PTPRM: variants seen among roughly 807,000 people sequenced by gnomAD.
PTPRM encodes protein tyrosine phosphatase receptor type M.
PTPRM carries 47 observed loss-of-function variants against 186.7 expected under a neutral mutation model. The observed-to-expected ratio is 0.25, with a 90% confidence interval of 0.20 to 0.32. The LOEUF is 0.32. Ranked by LOEUF, PTPRM falls within the 10% of genes least tolerant of loss-of-function variation. The pLI is 1.00. For synonymous variants in PTPRM, 668 were observed against 674.9 expected (o/e 0.99, Z 0.16); for missense variants, 1,494 against 1,865.0 (o/e 0.80, Z 3.66).
At chr18:8,274,141 A>G (rs149753715) in intron 19 of PTPRM, among the ~76,000 whole-genome samples, 8 of 152,216 alleles carry the variant, frequency 5.3e-5, no homozygotes, top group African/African-American at 1.9e-4. Flanking sequence ...TAAATCTTGT[A>G]TAGAGTTTTC....
intron 19 of PTPRM, among the ~76,000 whole-genome samples, chr18:8,288,783 C>G (rs2094987864): frequency 6.6e-6 from 1 of 152,142 alleles, no homozygotes. Context: ...CACAGTGCTT[C>G]TGAAGGTGGG....
intron 1 of PTPRM, among the ~76,000 whole-genome samples, chr18:7,625,066 A>G (rs138259373): frequency 9.7e-4 from 147 of 152,322 alleles, no homozygotes; most frequent in African/African-American, 3.4e-3. Context: ...GAAACTCTAC[A>G]AGAGCTTGAA....
At chr18:8,106,534 C>T (rs1391671551) in intron 11 of PTPRM, among the ~76,000 whole-genome samples, 1 of 152,138 alleles carries the variant, frequency 6.6e-6, no homozygotes, top group Non-Finnish European at 1.5e-5. Context: ...CTTATCAGAT[C>T]CTTGGCATGG....
intron 14 of PTPRM, among the ~76,000 whole-genome samples, chr18:8,164,712 A>T (rs2093291739): frequency 6.6e-6 from 1 of 152,206 alleles, no homozygotes; most frequent in Non-Finnish European, 1.5e-5. Flanking sequence ...GCAATGAGGA[A>T]TTGATGTTTA....
In PTPRM at chr18:7,922,654, G is replaced by A. The variant is rs148789324; in HGVS notation, c.548-3914G>A. ...TCTCATCCTCATATTTGAGTTCTTG[G>A]GTATTGCTGGTGATAATCTCTGTGC... On this transcript the variant is annotated intron_variant, in intron 4 of 32. Coordinates refer to ENST00000580170, the MANE Select transcript of PTPRM (RefSeq NM_001105244.2). 3.3e-3 allele frequency among the ~76,000 whole-genome samples: 508 copies of A among 152,062 alleles called. 2 individuals carry two copies. Among genetic ancestry groups the A allele is most frequent in the African/African-American group, 0.012 (492 of 41,456 alleles).
intron 1 of PTPRM, among the ~76,000 whole-genome samples, chr18:7,617,455 T>C (rs1421475248): frequency 6.6e-6 from 1 of 152,186 alleles, no homozygotes; most frequent in Non-Finnish European, 1.5e-5. Flanking sequence ...TGTAAGCTCT[T>C]TAAAGGCATA....
At chr18:7,679,442 A>T (rs1401766274) in intron 1 of PTPRM, among the ~76,000 whole-genome samples, 1 of 152,160 alleles carries the variant, frequency 6.6e-6, no homozygotes, top group Non-Finnish European at 1.5e-5. Flanking sequence ...AGGCAAGTGG[A>T]TCACTTAAGG....
In PTPRM at chr18:8,099,297, C is replaced by G. The variant is rs561536304; in HGVS notation, c.1856+10446C>G. On this transcript the variant is annotated intron_variant, in intron 11 of 32. Transcript: ENST00000580170. Reference sequence around the variant, plus strand: ...CAGAGAGCTCAGCCCTAGATTCATTCACTGCACTGGCTGGTGACCGCTTGT... The same window carrying G: ...CAGAGAGCTCAGCCCTAGATTCATTGACTGCACTGGCTGGTGACCGCTTGT... Among the ~76,000 whole-genome samples, 144 of 152,278 alleles carry G rather than the reference C, an allele frequency of 9.5e-4. 2 individuals carry two copies. Among genetic ancestry groups the G allele is most frequent in the Middle Eastern group, 6.8e-3 (2 of 294 alleles).
At chr18:8,265,061 T>C (rs2094684802) in intron 19 of PTPRM, among the ~76,000 whole-genome samples, 1 of 152,178 alleles carries the variant, frequency 6.6e-6, no homozygotes, top group Non-Finnish European at 1.5e-5. Context: ...GACTTGTGAT[T>C]TCAAGGCAGG....
chr18:8,191,412 C>T (rs936879332), intron 14 of PTPRM, among the ~76,000 whole-genome samples: 12 of 152,156 alleles, frequency 7.9e-5, no homozygotes, highest in South Asian at 6.2e-4. Context: ...GACGGTGACA[C>T]GCAGGAGAAG....
chr18:8,282,788 A>G (rs751360130), intron 19 of PTPRM, among the ~76,000 whole-genome samples: 94 of 152,356 alleles, frequency 6.2e-4, no homozygotes, highest in Non-Finnish European at 1.2e-3. Context: ...ATAAATATCC[A>G]TAACAGCTTT....
intron 20 of PTPRM, among the ~76,000 whole-genome samples, chr18:8,309,200 G>C (rs950015321): frequency 2.0e-5 from 3 of 152,156 alleles, no homozygotes; most frequent in Non-Finnish European, 4.4e-5. Flanking sequence ...TGGGTCATAG[G>C]TCGTGGATGT....
At chr18:7,817,868 A>G (rs985076907) in intron 2 of PTPRM, among the ~76,000 whole-genome samples, 1 of 152,010 alleles carries the variant, frequency 6.6e-6, no homozygotes, top group African/African-American at 2.4e-5. Flanking sequence ...TTGGAGTAAG[A>G]CTCCCGGAAG....
At chr18:8,304,601 A>G (rs1780155871) in intron 20 of PTPRM, among the ~76,000 whole-genome samples, 1 of 152,186 alleles carries the variant, frequency 6.6e-6, no homozygotes, top group South Asian at 2.1e-4. Context: ...AGTTGTGATT[A>G]TGATATAAAC....
intron 13 of PTPRM, among the ~76,000 whole-genome samples, chr18:8,137,008 G>A (rs190940180): frequency 2.7e-4 from 41 of 152,340 alleles, no homozygotes; most frequent in Admixed American, 2.6e-3. Flanking sequence ...AAGTGATGGA[G>A]TACTGAATTT....
At chr18:8,159,064 T>G (rs1185690557) in intron 14 of PTPRM, among the ~76,000 whole-genome samples, 1 of 152,194 alleles carries the variant, frequency 6.6e-6, no homozygotes, top group Non-Finnish European at 1.5e-5. Context: ...AAATTTCTTT[T>G]TAACAGGGAA....
Position 7,568,652 on chromosome 18 carries a change from C to T in PTPRM, c.73+761C>T, listed in dbSNP as rs1191929434. Among the ~76,000 whole-genome samples the T allele has an allele frequency of 6.6e-6, 1 of 152,188 alleles. No homozygotes were observed. The highest frequency in any genetic ancestry group is 1.5e-5 in the Non-Finnish European group (1 of 68,038). ...CCAGCTGCAACTTGTTCATCCAGCCCGGCTGCCCGGGGGTCCCAGGTGGGA... is the reference window on the plus strand; with the variant it reads ...CCAGCTGCAACTTGTTCATCCAGCCTGGCTGCCCGGGGGTCCCAGGTGGGA... On this transcript the variant is annotated intron_variant, in intron 1 of 32. Transcript: ENST00000580170. This position sits in a 1 kb window ranked among gnomAD's most constrained non-coding sequence, Gnocchi z 5.1.
chr18:7,798,074 G>A (rs1271434862), intron 2 of PTPRM, among the ~76,000 whole-genome samples: 1 of 152,112 alleles, frequency 6.6e-6, no homozygotes, highest in Non-Finnish European at 1.5e-5. Flanking sequence ...TAGGGTTAGA[G>A]GTCTCCCACT....
At chr18:8,002,203 T>C (rs982723244) in intron 7 of PTPRM, among the ~76,000 whole-genome samples, 1 of 152,110 alleles carries the variant, frequency 6.6e-6, no homozygotes, top group Non-Finnish European at 1.5e-5. Context: ...GGATGCTGAA[T>C]AGATGCATAT....
Sources: gnomAD v4.1 joint callset for allele counts (sites outside exome capture counted in the v4.1 genomes callset) on GRCh38, gnomAD v4.1.1 for gene constraint, Gnocchi (gnomAD v3.1) non-coding constraint, MANE v1.5 for transcripts, NCBI Gene and HGNC (gene_info 2026-07-23, HGNC 2026-07-21) for gene names.